STAM2: variants seen among roughly 807,000 people sequenced by gnomAD.
STAM2 encodes signal transducing adapter molecule 2.
STAM2 carries 51 observed loss-of-function variants against 65.6 expected under a neutral mutation model. That is an observed-to-expected ratio of 0.78 (90% CI 0.62 to 0.98). The LOEUF is 0.98. STAM2 is among the 50% of genes least tolerant of loss of function. The pLI is 0.00. For synonymous variants in STAM2, 198 were observed against 208.4 expected (o/e 0.95, Z 0.43); for missense variants, 584 against 617.8 (o/e 0.95, Z 0.58).
intron 1 of STAM2, among the ~76,000 whole-genome samples, chr2:152,160,711 C>T (rs1689653737): frequency 6.7e-6 from 1 of 149,050 alleles, no homozygotes; most frequent in South Asian, 2.1e-4. Flanking sequence ...GGGGTCAGCC[C>T]CCCGCCTGGC....
intron 7 of STAM2, among the ~76,000 whole-genome samples, chr2:152,142,519 G>A (rs570453534): frequency 5.3e-5 from 8 of 151,992 alleles, no homozygotes; most frequent in Non-Finnish European, 1.2e-4. Context: ...CATCTTTACA[G>A]ACAGTGTCAA....
rs779533787 is a variant in STAM2, at chr2:152,120,528, GAAT to G, written c.*43_*45del. 5.0e-5 allele frequency: 77 copies of G among 1,549,060 alleles called. 1 individual carries two copies. The South Asian group carries it at 7.2e-4, about 15-fold the overall frequency. On this transcript the variant is annotated 3_prime_UTR_variant, in exon 14 of 14. Transcript: ENST00000263904. Reference sequence around the variant, plus strand: ...TTTTCAGGTTGGTATCACAAGGACTGAATAATACACTTATGAAGGCTTTCAAGA... The same window carrying G: ...TTTTCAGGTTGGTATCACAAGGACTGAATACACTTATGAAGGCTTTCAAGA...
intron 5 of STAM2, among the ~76,000 whole-genome samples, chr2:152,146,350 C>A (rs989554511): frequency 1.3e-5 from 2 of 151,726 alleles, no homozygotes; most frequent in African/African-American, 4.8e-5. Flanking sequence ...TTCTCATCGT[C>A]TCTTTCCCTA....
In STAM2 at chr2:152,147,260, A is replaced by C; in HGVS notation, c.349T>G (p.Ser117Ala). 1 of 1,610,402 alleles carries C rather than the reference A, an allele frequency of 6.2e-7. No homozygotes were observed. The highest frequency in any genetic ancestry group is 8.5e-7 in the Non-Finnish European group (1 of 1,178,632). The change falls in exon 5 of 14, where the codon TCA (serine) becomes GCA (alanine). Residue 117 changes from serine (S) to alanine (A), a missense_variant. Ser to Ala is a moderately conservative substitution (Grantham distance 99). Coordinates refer to ENST00000263904, the MANE Select transcript of STAM2 (RefSeq NM_005843.6). ...TGAGGGTCCTTCTGAAATTCTTCTGACCACTCCACCATTAAAGATTTCAGT... is the reference window on the plus strand; with the variant it reads ...TGAGGGTCCTTCTGAAATTCTTCTGCCCACTCCACCATTAAAGATTTCAGT... ...EKLKSLMVEW[S>A]EEFQKDPQFS...
Position 152,123,916 on chromosome 2 carries a change from T to G in STAM2, c.1199A>C (p.His400Pro), listed in dbSNP as rs767495361. ...VPMQTYPVQS[H>P]GGNYMGQSIH... is the part of the protein sequence containing the mutation. Reference sequence around the variant, plus strand: ...GCTCTGACCCATATAGTTTCCACCATGTGATTGAACTGGATATGTCTATTA... The same window carrying G: ...GCTCTGACCCATATAGTTTCCACCAGGTGATTGAACTGGATATGTCTATTA... The change falls in exon 13 of 14, where the codon CAT (histidine) becomes CCT (proline). Residue 400 changes from histidine to proline, a missense_variant. Coordinates refer to ENST00000263904, the MANE Select transcript of STAM2 (RefSeq NM_005843.6). 6.2e-7 allele frequency: 1 copy of G among 1,614,124 alleles called. No individual in the cohort carries two copies. The highest frequency in any genetic ancestry group is 8.5e-7 in the Non-Finnish European group (1 of 1,180,014).
At chr2:152,138,816 T>C (rs188472016) in intron 7 of STAM2, among the ~76,000 whole-genome samples, 30 of 152,342 alleles carry the variant, frequency 2.0e-4, no homozygotes, top group African/African-American at 6.5e-4. Context: ...TAACTTTTCA[T>C]TTTGAAAAGG....
chr2:152,126,319 G>T lies in STAM2; in HGVS notation c.1086C>A (p.Asn362Lys). ...ACACTGGTGCTTCATTCACCAATTT[G>T]TTATATAGTTCCAGAGCTTCCAGGA... ...VKVLEALELYNKLVNEAPVYS... is the reference protein window; with the variant it reads ...VKVLEALELYKKLVNEAPVYS... Residue 362 changes from asparagine to lysine, a missense_variant, in exon 12 of 14, where the codon AAC becomes AAA. Asn to Lys is a moderately conservative substitution (Grantham distance 94, BLOSUM62 0). Coordinates refer to ENST00000263904, the MANE Select transcript of STAM2 (RefSeq NM_005843.6). The T allele has an allele frequency of 1.9e-6, 3 of 1,605,038 alleles. No individual in the cohort carries two copies. Among genetic ancestry groups the T allele is most frequent in the Non-Finnish European group, 2.6e-6 (3 of 1,175,580 alleles).
chr2:152,143,663 G>T (rs1323890153), intron 7 of STAM2, among the ~76,000 whole-genome samples, 164 bp downstream of exon 7: 1 of 152,008 alleles, frequency 6.6e-6, no homozygotes, highest in Admixed American at 6.6e-5. Flanking sequence ...CAAATATAAC[G>T]AGAAGAGGCT....
intron 8 of STAM2, among the ~76,000 whole-genome samples, chr2:152,133,741 G>C (rs1318583979): frequency 6.6e-6 from 1 of 152,072 alleles, no homozygotes. Context: ...AAACAGACAA[G>C]AATCCCTAAC....
chr2:152,153,150 A>T (rs145776168), intron 1 of STAM2, among the ~76,000 whole-genome samples: 5 of 152,216 alleles, frequency 3.3e-5, no homozygotes, highest in Admixed American at 1.3e-4. Flanking sequence ...AAAAATTTCA[A>T]TATCAAAGAA....
chr2:152,146,113 T>C (rs10177222), intron 5 of STAM2, among the ~76,000 whole-genome samples: 35,246 of 151,150 alleles, frequency 0.23, 4,192 homozygotes, highest in Admixed American at 0.31. Context: ...CTACTAAAAA[T>C]ACAAAAAATT....
At chr2:152,148,328 G>GTT in intron 2 of STAM2, 28 bp from the exon 3 acceptor site, 1 of 1,511,980 alleles carries the variant, frequency 6.6e-7, no homozygotes, top group South Asian at 1.2e-5. Context: ...GAGAGAGACA[G>GTT]TTAAGTATTT....
Position 152,133,236 on chromosome 2 carries a change from C to G in STAM2, c.907G>C (p.Val303Leu). Residue 303 changes from valine to leucine, a missense_variant, in exon 10 of 14, where the codon GTA (valine) becomes CTA (leucine). By Grantham distance (32) the Val-to-Leu change is conservative. Transcript: ENST00000263904. ...TCTGTTGGATCTATACTCTGAAGTA[C>G]CTGCAGGGCTCTATCCATCTTATCC... ...DEDKMDRALQ[V>L]LQSIDPTDSK... The G allele has an allele frequency of 1.2e-6, 2 of 1,609,814 alleles. No individual in the cohort carries two copies. Among genetic ancestry groups the G allele is most frequent in the Non-Finnish European group, 8.5e-7 (1 of 1,178,296 alleles).
intron 1 of STAM2, among the ~76,000 whole-genome samples, chr2:152,169,276 GTTTT>G (rs1295820345): frequency 1.3e-5 from 2 of 151,938 alleles, no homozygotes; most frequent in African/African-American, 4.8e-5. Context: ...TTTTGGTTTC[GTTTT>G]TTTGTTTTGT....
At chr2:152,151,852 T>C (rs1346950069) in intron 1 of STAM2, among the ~76,000 whole-genome samples, 2 of 152,236 alleles carry the variant, frequency 1.3e-5, no homozygotes, top group East Asian at 1.9e-4. Flanking sequence ...GTACTTCATT[T>C]CTTCTTATGG....
rs1260525039 is a variant in STAM2, at chr2:152,136,935, C to G, written c.705-1332G>C. On this transcript the variant is annotated intron_variant, in intron 7 of 13. Coordinates refer to ENST00000263904, the MANE Select transcript of STAM2 (RefSeq NM_005843.6). ...TTTGAGACGAGGTCTTGCTGTGTCA[C>G]CCAAGCTGGAGTGCAGTGGCACGAT... 2.7e-5 allele frequency among the ~76,000 whole-genome samples: 4 copies of G among 148,180 alleles called. No individual in the cohort carries two copies. The East Asian group carries it at 7.9e-4, about 29-fold the overall frequency.
At chr2:152,139,631 T>G (rs1050674775) in intron 7 of STAM2, among the ~76,000 whole-genome samples, 28 of 152,322 alleles carry the variant, frequency 1.8e-4, no homozygotes, top group African/African-American at 6.5e-4. Context: ...ACTAAAAATA[T>G]GTTATCTTGC....
chr2:152,141,767 T>C (rs942570976), intron 7 of STAM2, among the ~76,000 whole-genome samples: 7 of 151,692 alleles, frequency 4.6e-5, no homozygotes, highest in African/African-American at 1.7e-4. Context: ...ATTTTTGTAT[T>C]TTTAGTAGAG....
chr2:152,138,368 T>G (rs1177241502), intron 7 of STAM2, among the ~76,000 whole-genome samples: 1 of 152,146 alleles, frequency 6.6e-6, no homozygotes, highest in Non-Finnish European at 1.5e-5. Flanking sequence ...CTACTGAGAA[T>G]GACTTTTTTT....
Sources: gnomAD v4.1 joint callset for allele counts (sites outside exome capture counted in the v4.1 genomes callset) on GRCh38, gnomAD v4.1.1 for gene constraint, MANE v1.5 for transcripts, NCBI Gene and HGNC (gene_info 2026-07-23, HGNC 2026-07-21) for gene names.